Variants in UGGT2 observed in about 807,000 individuals in gnomAD.
UGGT2 encodes UDP-glucose glycoprotein glucosyltransferase 2, also known as UDP-glucose:glycoprotein glucosyltransferase 2.
A neutral mutation model predicts 192.1 loss-of-function variants in UGGT2; 180 were observed. The ratio of observed to expected loss-of-function variants is 0.94; its 90% confidence interval spans 0.83 to 1.06. The LOEUF is 1.06. UGGT2 is among the 50% of genes least tolerant of loss of function. The pLI is 0.00. For synonymous variants in UGGT2, 580 were observed against 591.0 expected, an observed-to-expected ratio of 0.98 and a Z score of 0.27; for missense variants, 1,849 against 1,795.7, an observed-to-expected ratio of 1.03 and a Z score of -0.54.
chr13:95,809,608 C>T, intron 38 of UGGT2: 1 of 249,188 alleles, frequency 4.0e-6, no homozygotes, highest in Non-Finnish European at 8.2e-6. Flanking sequence ...TTCCTCTTGG[C>T]ATCCTAGCAG....
At chr13:95,999,458 T>C in intron 5 of UGGT2, 151 bp from the exon 6 acceptor site, 1 of 662,258 alleles carries the variant, frequency 1.5e-6, no homozygotes, top group Non-Finnish European at 2.6e-6. Context: ...TTGTTTATAT[T>C]GTCTCTAGTC....
chr13:95,960,621 C>A (rs1016215056), intron 12 of UGGT2, among the ~76,000 whole-genome samples: 1 of 152,076 alleles, frequency 6.6e-6, no homozygotes, highest in African/African-American at 2.4e-5. Flanking sequence ...ATTAGAAAAC[C>A]TATTTAATGA....
At chr13:96,023,833 G>T in intron 2 of UGGT2, 74 bp from the exon 3 acceptor site, 1 of 1,250,476 alleles carries the variant, frequency 8.0e-7, no homozygotes, top group Non-Finnish European at 1.1e-6. Flanking sequence ...TCCACTGTAA[G>T]GCTAACTTAA....
chr13:95,994,668 A>C (rs2051561850), intron 7 of UGGT2, among the ~76,000 whole-genome samples: 1 of 152,024 alleles, frequency 6.6e-6, no homozygotes, highest in Non-Finnish European at 1.5e-5. Flanking sequence ...TATGTACTAT[A>C]CCAATTATTT....
At position 95,955,012 on chromosome 13, in the gene UGGT2, C is replaced by A. The variant is rs2050172913; in HGVS notation, c.1336-5558G>T. The stretch of plus-strand genomic sequence containing the variant: ...TGTAACAGTTGTCTATGCCCGATGT[C>A]TTACAAGAAAGTAGAGGGCATAAAG... On this transcript the variant is annotated intron_variant, in intron 12 of 38. Transcript: ENST00000376747. Among the ~76,000 whole-genome samples the A allele has an allele frequency of 3.3e-5, 5 of 152,172 alleles. No homozygotes were observed. The South Asian group carries it at 1.0e-3, about 32-fold the overall frequency.
chr13:95,999,180 T>C, intron 6 of UGGT2, 31 bp downstream of exon 6: 1 of 1,573,216 alleles, frequency 6.4e-7, no homozygotes, highest in Non-Finnish European at 8.7e-7. Flanking sequence ...CAACTTTTCA[T>C]TCTACTCAAG....
intron 5 of UGGT2, among the ~76,000 whole-genome samples, chr13:96,009,614 C>G (rs989867049): frequency 2.0e-5 from 3 of 152,070 alleles, no homozygotes; most frequent in African/African-American, 7.2e-5. Flanking sequence ...TCAAGACCAT[C>G]CTGGCCAACA....
At chr13:95,826,025 C>T (rs548149915) in intron 38 of UGGT2, among the ~76,000 whole-genome samples, 9 of 151,380 alleles carry the variant, frequency 5.9e-5, no homozygotes, top group South Asian at 4.2e-4. Flanking sequence ...AAAAATGATT[C>T]GATATTAGGA....
At chr13:95,962,421 T>C (rs2050426974) in intron 12 of UGGT2, among the ~76,000 whole-genome samples, 1 of 152,006 alleles carries the variant, frequency 6.6e-6, no homozygotes, top group Non-Finnish European at 1.5e-5. Flanking sequence ...TAGAAAACTA[T>C]ACACTAACAA....
At chr13:95,954,443 A>G (rs979411026) in intron 12 of UGGT2, among the ~76,000 whole-genome samples, 3 of 152,230 alleles carry the variant, frequency 2.0e-5, no homozygotes. Context: ...ACATTAAAGC[A>G]GATCTTAAGA....
At chr13:95,958,768 A>C (rs2050293514) in intron 12 of UGGT2, among the ~76,000 whole-genome samples, 1 of 152,184 alleles carries the variant, frequency 6.6e-6, no homozygotes, top group Non-Finnish European at 1.5e-5. Flanking sequence ...ACCCGAAAGC[A>C]AGAAAGGAGA....
chr13:95,907,567 T>C (rs1237597283), intron 20 of UGGT2, among the ~76,000 whole-genome samples: 1 of 152,164 alleles, frequency 6.6e-6, no homozygotes, highest in African/African-American at 2.4e-5. Flanking sequence ...GCAGCAATAT[T>C]TGCTGTTCTG....
chr13:96,019,886 T>C (rs2052463320), intron 4 of UGGT2, among the ~76,000 whole-genome samples: 1 of 152,190 alleles, frequency 6.6e-6, no homozygotes, highest in Non-Finnish European at 1.5e-5. Flanking sequence ...GGTGAAATGG[T>C]AGCAGAGGCA....
chr13:95,868,324 G>A (rs886823032), intron 29 of UGGT2, among the ~76,000 whole-genome samples: 1 of 152,136 alleles, frequency 6.6e-6, no homozygotes, highest in Admixed American at 6.6e-5. Context: ...AGCCAGGTGT[G>A]ATGGCTTACA....
chr13:96,028,195 G>T (rs1258779051), intron 2 of UGGT2, among the ~76,000 whole-genome samples: 3 of 152,102 alleles, frequency 2.0e-5, no homozygotes, highest in Non-Finnish European at 2.9e-5. Flanking sequence ...TCATATATCA[G>T]CTTACCGATA....
chr13:95,809,488 G>A (rs1884474886), intron 38 of UGGT2: 2 of 348,780 alleles, frequency 5.7e-6, no homozygotes, highest in South Asian at 2.4e-5. Flanking sequence ...ACCCTTTTCT[G>A]CTGCCTTTTC....
Position 95,945,982 on chromosome 13 carries a change from TATTG to T in UGGT2, c.1677+1051_1677+1054del, listed in dbSNP as rs2049852962. On this transcript the variant is annotated intron_variant, in intron 15 of 38. Coordinates refer to ENST00000376747, the MANE Select transcript of UGGT2 (RefSeq NM_020121.4). Reference sequence around the variant, plus strand: ...GAAGAAGAGTCATTCCTTGATATAATATTGATTGACAAGCTAAAGCCCAATGAAT... The same window carrying T: ...GAAGAAGAGTCATTCCTTGATATAATATTGACAAGCTAAAGCCCAATGAAT... Among the ~76,000 whole-genome samples, 2 of 152,116 alleles carry T rather than the reference TATTG, an allele frequency of 1.3e-5. 1 individual carries two copies. The highest frequency in any genetic ancestry group is 4.1e-4 in the South Asian group (2 of 4,822).
At chr13:95,922,740 T>C (rs1195568561) in intron 20 of UGGT2, among the ~76,000 whole-genome samples, 1 of 151,986 alleles carries the variant, frequency 6.6e-6, no homozygotes, top group Middle Eastern at 3.2e-3. Context: ...GGAGGATTGC[T>C]TGAGCCCAGG....
At chr13:95,883,002 G>T (rs1322210089) in intron 27 of UGGT2, among the ~76,000 whole-genome samples, 1 of 151,924 alleles carries the variant, frequency 6.6e-6, no homozygotes, top group Non-Finnish European at 1.5e-5. Flanking sequence ...CATTTGTTAA[G>T]TTTTTCTCAT....
Sources: gnomAD v4.1 joint callset for allele counts (sites outside exome capture counted in the v4.1 genomes callset) on GRCh38, gnomAD v4.1.1 for gene constraint, MANE v1.5 for transcripts, NCBI Gene and HGNC (gene_info 2026-07-23, HGNC 2026-07-21) for gene names.